The following SEMA6D variants were observed in gnomAD, a reference collection of about 807,000 sequenced individuals.
SEMA6D encodes semaphorin-6D.
SEMA6D carries 35 observed loss-of-function variants against 106.6 expected under a neutral mutation model. The observed-to-expected ratio is 0.33, with a 90% CI of 0.25 to 0.44. SEMA6D has a LOEUF of 0.44. SEMA6D is among the 20% of genes least tolerant of loss of function. The pLI, the probability that SEMA6D is intolerant of heterozygous loss-of-function variation, is 1.00. For synonymous variants in SEMA6D, 499 were observed against 487.7 expected (o/e 1.02, Z -0.31); for missense variants, 1,185 against 1,345.9 (o/e 0.88, Z 1.87).
At chr15:47,376,962 G>T (rs760931875) in intron 1 of SEMA6D, among the ~76,000 whole-genome samples, 4 of 152,100 alleles carry the variant, frequency 2.6e-5, no homozygotes, top group Non-Finnish European at 5.9e-5. Flanking sequence ...CCAAACTGAT[G>T]CCTGATAATT....
At chr15:47,335,446 C>T (rs938021851) in intron 1 of SEMA6D, among the ~76,000 whole-genome samples, 4 of 152,024 alleles carry the variant, frequency 2.6e-5, no homozygotes, top group African/African-American at 9.7e-5. Flanking sequence ...GGAGGGACTG[C>T]CCAACTCTCC....
At chr15:47,667,745 C>T (rs2078055784) in intron 4 of SEMA6D, among the ~76,000 whole-genome samples, 1 of 152,140 alleles carries the variant, frequency 6.6e-6, no homozygotes, top group African/African-American at 2.4e-5. Flanking sequence ...CAGCACTCAC[C>T]TCCCAAAGGC....
rs56185341 is a variant in SEMA6D, at chr15:47,304,433, T to TAAA, written c.-238-107926_-238-107924dup. Among the ~76,000 whole-genome samples, 379 of 93,778 alleles carry TAAA rather than the reference T, an allele frequency of 4.0e-3. 48 individuals are homozygous for TAAA. The highest frequency in any genetic ancestry group is 0.037 in the East Asian group (74 of 1,992). 61.5% of individuals were successfully genotyped at this position (93,778 alleles called of 152,430 possible). On this transcript the variant is annotated intron_variant, in intron 1 of 19. Transcript: ENST00000558014. ...TGCACTCCAGCCTGAGCCTTCTAAC[T>TAAA]AAAAAAAAAAAAAAAAAAAAAAAAA...
intron 3 of SEMA6D, among the ~76,000 whole-genome samples, chr15:47,483,013 G>A (rs1433406053): frequency 1.3e-5 from 2 of 151,970 alleles, no homozygotes; most frequent in Non-Finnish European, 2.9e-5. Context: ...TCTAACAATG[G>A]GAAAGACAAA....
At chr15:47,283,706 C>T (rs1185599334) in intron 1 of SEMA6D, among the ~76,000 whole-genome samples, 2 of 152,170 alleles carry the variant, frequency 1.3e-5, no homozygotes, top group Non-Finnish European at 2.9e-5. Flanking sequence ...TTTGAGGCTA[C>T]ACCAGAAACA....
At chr15:47,737,998 T>C (rs1298247347) in intron 1 of SEMA6D, among the ~76,000 whole-genome samples, 1 of 151,972 alleles carries the variant, frequency 6.6e-6, no homozygotes, top group African/African-American at 2.4e-5. Flanking sequence ...TCGTAACAAT[T>C]TGCATTTCTA....
chr15:47,318,024 C>CTT (rs71425594), intron 1 of SEMA6D, among the ~76,000 whole-genome samples: 7 of 116,922 alleles, frequency 6.0e-5, no homozygotes, highest in East Asian at 2.6e-4. Context: ...TCCCACAGTT[C>CTT]TTTTTTTTTT....
intron 1 of SEMA6D, among the ~76,000 whole-genome samples, chr15:47,366,755 C>T (rs969104428): frequency 6.6e-5 from 10 of 152,176 alleles, no homozygotes; most frequent in East Asian, 5.8e-4. Flanking sequence ...GATTCCTCAG[C>T]GCTAAAAGCA....
At chr15:47,500,972 G>A (rs2043827837) in intron 3 of SEMA6D, among the ~76,000 whole-genome samples, 1 of 152,070 alleles carries the variant, frequency 6.6e-6, no homozygotes, top group African/African-American at 2.4e-5. Context: ...ATGCTATTTT[G>A]TATAAATAAT....
chr15:47,363,852 A>G (rs2038907055), intron 1 of SEMA6D, among the ~76,000 whole-genome samples: 1 of 152,192 alleles, frequency 6.6e-6, no homozygotes, highest in Non-Finnish European at 1.5e-5. Flanking sequence ...ACTTACTTAT[A>G]ATCATGGCGG....
At chr15:47,454,322 A>G (rs1052374739) in intron 2 of SEMA6D, among the ~76,000 whole-genome samples, 2 of 151,922 alleles carry the variant, frequency 1.3e-5, no homozygotes, top group African/African-American at 2.4e-5. Flanking sequence ...TTCCAAGGCA[A>G]TTTTACAACT....
intron 2 of SEMA6D, among the ~76,000 whole-genome samples, chr15:47,430,215 G>A (rs2041477703): frequency 6.6e-6 from 1 of 151,932 alleles, no homozygotes; most frequent in Non-Finnish European, 1.5e-5. Context: ...CTCCTTAGTA[G>A]GGAAAACCAT....
intron 2 of SEMA6D, among the ~76,000 whole-genome samples, chr15:47,426,670 G>A (rs1028531045): frequency 3.3e-5 from 5 of 152,034 alleles, no homozygotes; most frequent in African/African-American, 7.2e-5. Flanking sequence ...TCCCTGATGC[G>A]TACTCCCTAC....
intron 1 of SEMA6D, among the ~76,000 whole-genome samples, chr15:47,338,834 G>C (rs2037682815): frequency 6.6e-6 from 1 of 152,114 alleles, no homozygotes; most frequent in South Asian, 2.1e-4. Flanking sequence ...ACCTTCTCCT[G>C]TCGTCCTTTC....
intron 4 of SEMA6D, among the ~76,000 whole-genome samples, chr15:47,676,209 C>T (rs1461911126): frequency 6.6e-6 from 1 of 152,182 alleles, no homozygotes; most frequent in Non-Finnish European, 1.5e-5. Flanking sequence ...ACCACTTCCC[C>T]CCTTTAAATT....
rs73392838 is a variant in SEMA6D at position 47,651,545 on chromosome 15, T to A, written c.-55+50649T>A. 8.3e-3 allele frequency among the ~76,000 whole-genome samples: 1,259 copies of A among 152,320 alleles called. 14 individuals are homozygous for A. The highest frequency in any genetic ancestry group is 0.029 in the African/African-American group (1,220 of 41,568). On this transcript the variant is annotated intron_variant, in intron 4 of 19. Coordinates refer to the SEMA6D transcript ENST00000558014. The stretch of plus-strand genomic sequence containing the variant: ...GGACCTTAAAACCAGAGTTAACCCA[T>A]CCTTGCTTGTGAATCTTAATGCATA...
chr15:47,255,514 A>T (rs1156581184), intron 1 of SEMA6D, among the ~76,000 whole-genome samples: 1 of 151,862 alleles, frequency 6.6e-6, no homozygotes, highest in Non-Finnish European at 1.5e-5. Flanking sequence ...GTTCCTTGAG[A>T]CGTAACATTA....
chr15:47,715,288 G>T (rs553312037), upstream of SEMA6D, among the ~76,000 whole-genome samples: 1 of 152,224 alleles, frequency 6.6e-6, no homozygotes, highest in African/African-American at 2.4e-5. Context: ...AAAGTTAAAA[G>T]GTTAAAAGTG....
At chr15:47,423,532 A>T (rs2041236146) in intron 2 of SEMA6D, among the ~76,000 whole-genome samples, 1 of 152,138 alleles carries the variant, frequency 6.6e-6, no homozygotes, top group African/African-American at 2.4e-5. Flanking sequence ...TTCTCATCAA[A>T]GAAACATAGA....
Sources: gnomAD v4.1 joint callset for allele counts (sites outside exome capture counted in the v4.1 genomes callset) on GRCh38, gnomAD v4.1.1 for gene constraint, MANE v1.5 for transcripts, NCBI Gene and HGNC (gene_info 2026-07-23, HGNC 2026-07-21) for gene names.